Variants in WWP2 observed in about 807,000 individuals in gnomAD.
WWP2 encodes NEDD4-like E3 ubiquitin-protein ligase WWP2.
Under a neutral mutation model 121.0 loss-of-function variants are expected in WWP2, and 57 were observed. The observed-to-expected ratio is 0.47, with a 90% CI of 0.38 to 0.59. WWP2 has a LOEUF of 0.59. WWP2 is among the 20% of genes least tolerant of loss of function. The pLI, the probability that WWP2 is intolerant of heterozygous loss-of-function variation, is 0.00. For synonymous variants in WWP2, 449 were observed against 441.3 expected (o/e 1.02, Z -0.22); for missense variants, 962 against 1,158.9 (o/e 0.83, Z 2.47).
chr16:69,909,692 G>A (rs1056690589), intron 9 of WWP2: 1 of 984,966 alleles, frequency 1.0e-6, no homozygotes, highest in African/African-American at 1.7e-5. Flanking sequence ...AGTTAAACAT[G>A]GACTTCTCAA....
Position 69,934,063 on chromosome 16 carries a change from C to A in WWP2, c.1776C>A (p.Asn592Lys), listed in dbSNP as rs201620630. 6.2e-7 allele frequency: 1 copy of A among 1,614,184 alleles called. No homozygotes were observed. Among genetic ancestry groups the A allele is most frequent in the Non-Finnish European group, 8.5e-7 (1 of 1,180,020 alleles). ...AGKNNYCLQI[N>K]PASSINPDHL... is the part of the protein sequence containing the mutation. Reference sequence around the variant, plus strand: ...AGAACAATTACTGCCTGCAGATCAACCCCGCCTCCTCCATCAACCCGGACC... The same window carrying A: ...AGAACAATTACTGCCTGCAGATCAAACCCGCCTCCTCCATCAACCCGGACC... Residue 592 changes from asparagine (N) to lysine (K), a missense_variant, in exon 17 of 24, where the codon AAC (asparagine) becomes AAA (lysine). Asn to Lys is a moderately conservative substitution (Grantham distance 94). This residue lies in a region of WWP2 where 606 missense variants were observed against 772.6 expected (regional missense o/e 0.78). Coordinates refer to ENST00000359154, the MANE Select transcript of WWP2 (RefSeq NM_001270454.2).
Position 69,762,627 on chromosome 16 carries a change from G to T in WWP2, c.-16+236G>T, listed in dbSNP as rs545602708. ...GCGCGGGGGTTGCTCCGAAATGGGT[G>T]CCCCGGCCGCCAAGGGTGCAGCTGG... On this transcript the variant is annotated intron_variant, in intron 1 of 23. Coordinates refer to ENST00000359154, the MANE Select transcript of WWP2 (RefSeq NM_001270454.2). Among the ~76,000 whole-genome samples, 86 of 152,130 alleles carry T rather than the reference G, an allele frequency of 5.7e-4. 3 individuals are homozygous for T. In the South Asian group the frequency reaches 0.016, roughly 28 times the overall value.
At chr16:69,807,797 A>G (rs902419241) in intron 4 of WWP2, among the ~76,000 whole-genome samples, 3 of 151,928 alleles carry the variant, frequency 2.0e-5, no homozygotes, top group Non-Finnish European at 4.4e-5. Context: ...TACAAAAAAG[A>G]AATTTAAAAA....
chr16:69,920,915 A>C (rs770905522), intron 10 of WWP2, among the ~76,000 whole-genome samples: 1 of 152,180 alleles, frequency 6.6e-6, no homozygotes, highest in African/African-American at 2.4e-5. Context: ...TCTGGAGCTC[A>C]CATCTGCCTG....
At chr16:69,848,859 A>G (rs2057142805) in intron 6 of WWP2, among the ~76,000 whole-genome samples, 2 of 152,134 alleles carry the variant, frequency 1.3e-5, no homozygotes, top group Non-Finnish European at 2.9e-5. Flanking sequence ...GTTGGTCACA[A>G]TCTGCATTTT....
chr16:69,863,112 G>A (rs1264708374), intron 6 of WWP2, among the ~76,000 whole-genome samples: 1 of 152,132 alleles, frequency 6.6e-6, no homozygotes, highest in Non-Finnish European at 1.5e-5. Flanking sequence ...TGTTTGTAGG[G>A]TCTTGAATTT....
At chr16:69,830,260 T>G (rs185233981) in intron 4 of WWP2, among the ~76,000 whole-genome samples, 98 of 152,166 alleles carry the variant, frequency 6.4e-4, no homozygotes, top group Admixed American at 2.6e-3. Flanking sequence ...CGGCCTAGTT[T>G]TTTTCTGTTT....
chr16:69,873,368 G>A (rs1031345508), intron 7 of WWP2, among the ~76,000 whole-genome samples: 2 of 152,202 alleles, frequency 1.3e-5, no homozygotes, highest in African/African-American at 4.8e-5. Context: ...CCTACAAAGC[G>A]CACTGTGAGT....
intron 1 of WWP2, 143 bp from the exon 2 acceptor site, chr16:69,786,853 A>T (rs2055803711): frequency 6.2e-6 from 4 of 649,874 alleles, no homozygotes; most frequent in Admixed American, 3.0e-5. Context: ...AGTCATTATA[A>T]GACAAACTAT....
intron 8 of WWP2, among the ~76,000 whole-genome samples, chr16:69,897,973 T>C (rs2058134256): frequency 6.6e-6 from 1 of 151,952 alleles, no homozygotes; most frequent in Non-Finnish European, 1.5e-5. Flanking sequence ...CAGTAAAGTT[T>C]TCCTGTGCAT....
chr16:69,939,735 A>G (rs991897773), intron 23 of WWP2, 106 bp from the exon 24 acceptor site: 32 of 1,050,008 alleles, frequency 3.0e-5, no homozygotes, highest in Admixed American at 2.6e-4. Context: ...CCTGAGCCCT[A>G]GCCAGTGTGG....
chr16:69,890,114 C>A (rs1316084428), intron 8 of WWP2, among the ~76,000 whole-genome samples: 1 of 150,610 alleles, frequency 6.6e-6, no homozygotes, highest in African/African-American at 2.4e-5. Flanking sequence ...ACCACCATGC[C>A]TGGATAATTT....
intron 4 of WWP2, among the ~76,000 whole-genome samples, chr16:69,824,619 G>A (rs2056651540): frequency 1.3e-5 from 2 of 149,966 alleles, no homozygotes; most frequent in African/African-American, 2.5e-5. Flanking sequence ...TGTATTGCAT[G>A]AATTCATTCT....
At chr16:69,791,824 C>T (rs1422651556) in intron 2 of WWP2, among the ~76,000 whole-genome samples, 1 of 152,032 alleles carries the variant, frequency 6.6e-6, no homozygotes, top group Non-Finnish European at 1.5e-5. Context: ...CTGGCCCCCA[C>T]CTCGGCCTCT....
At chr16:69,806,681 A>C (rs556551124) in intron 4 of WWP2, among the ~76,000 whole-genome samples, 1 of 152,164 alleles carries the variant, frequency 6.6e-6, no homozygotes, top group Non-Finnish European at 1.5e-5. Flanking sequence ...GAGATTTTCA[A>C]ATTTATTAGA....
intron 7 of WWP2, among the ~76,000 whole-genome samples, chr16:69,878,388 A>G (rs1174603114): frequency 6.6e-6 from 1 of 152,224 alleles, no homozygotes; most frequent in Admixed American, 6.5e-5. Flanking sequence ...GTGCAACTCA[A>G]CAAAACAAGG....
At chr16:69,907,421 G>A (rs140832427) in intron 8 of WWP2, among the ~76,000 whole-genome samples, 15 of 152,278 alleles carry the variant, frequency 9.9e-5, no homozygotes, top group Admixed American at 2.6e-4. Context: ...AAGCATTACC[G>A]CAGAACTGAC....
intron 7 of WWP2, among the ~76,000 whole-genome samples, chr16:69,874,013 C>A (rs2057690663): frequency 6.6e-6 from 1 of 152,158 alleles, no homozygotes; most frequent in African/African-American, 2.4e-5. Flanking sequence ...CTTCAAAAGC[C>A]AGGCGTCTCT....
chr16:69,797,092 C>A (rs76711306), intron 2 of WWP2, among the ~76,000 whole-genome samples: 6,732 of 152,234 alleles, frequency 0.044, 518 homozygotes, highest in African/African-American at 0.15. Flanking sequence ...ATGTGTTTTA[C>A]CCTAGCGACC....
Sources: allele counts gnomAD v4.1 joint callset (sites outside exome capture counted in the v4.1 genomes callset), GRCh38; gene constraint gnomAD v4.1.1; regional missense constraint gnomAD v4.1.1; transcripts MANE v1.5; gene names NCBI Gene and HGNC (gene_info 2026-07-23, HGNC 2026-07-21).